The following ADCY8 variants were observed in gnomAD, a reference collection of about 807,000 sequenced individuals.
ADCY8 encodes the protein adenylate cyclase 8, also known as adenylate cyclase type 8.
ADCY8 carries 51 observed loss-of-function variants against 119.7 expected under a neutral mutation model. That is an observed-to-expected ratio of 0.43 (90% CI 0.34 to 0.54). The LOEUF is 0.54. ADCY8 is among the 20% of genes least tolerant of loss of function. The pLI, the probability that ADCY8 is intolerant of heterozygous loss-of-function variation, is 0.03. For synonymous variants in ADCY8, 665 were observed against 651.0 expected (o/e 1.02, Z -0.33); for missense variants, 1,383 against 1,598.8 (o/e 0.87, Z 2.30).
chr8:130,904,098 T>A, intron 6 of ADCY8, 56 bp from the exon 7 acceptor site: 4 of 1,537,368 alleles, frequency 2.6e-6, no homozygotes, highest in Non-Finnish European at 2.6e-6. Context: ...GCAAAGGCTA[T>A]ATTTTTTTGA....
At position 130,785,407 on chromosome 8, in the gene ADCY8, C is replaced by G. The variant is rs776529687; in HGVS notation, c.3129G>C (p.Val1043=). 1 of 1,608,278 alleles carries G rather than the reference C, an allele frequency of 6.2e-7. No homozygotes were observed. Among genetic ancestry groups the G allele is most frequent in the Non-Finnish European group, 8.5e-7 (1 of 1,177,280 alleles). ...CCTGTTTTTCAGGTGACAGGCCTGACACGGCCATGTAGGTGCTGCCAATGG... is the reference window on the plus strand; with the variant it reads ...CCTGTTTTTCAGGTGACAGGCCTGAGACGGCCATGTAGGTGCTGCCAATGG... ...IKTIGSTYMA[V]SGLSPEKQQC... is the part of the protein sequence containing the mutation. The change falls in exon 16 of 18, where the codon GTG becomes GTC. Residue 1043 remains valine (V), a synonymous_variant. Coordinates refer to ENST00000286355, the MANE Select transcript of ADCY8 (RefSeq NM_001115.3).
chr8:130,817,873 A>G (rs1215250301), intron 13 of ADCY8, among the ~76,000 whole-genome samples: 1 of 152,228 alleles, frequency 6.6e-6, no homozygotes, highest in Non-Finnish European at 1.5e-5. Flanking sequence ...TAAATTATGG[A>G]GAACTGATAG....
intron 2 of ADCY8, among the ~76,000 whole-genome samples, chr8:130,987,565 C>T (rs1822440442): frequency 6.6e-6 from 1 of 152,014 alleles, no homozygotes. Context: ...TGAATATAAC[C>T]TATTTGATTC....
At chr8:130,818,262 A>G (rs574837234) in intron 13 of ADCY8, among the ~76,000 whole-genome samples, 138 of 152,290 alleles carry the variant, frequency 9.1e-4, no homozygotes, top group Admixed American at 1.6e-3. Context: ...GAGCCACACA[A>G]TCTCAGGTGC....
At chr8:130,934,248 G>C (rs1240189892) in intron 5 of ADCY8, among the ~76,000 whole-genome samples, 1 of 152,230 alleles carries the variant, frequency 6.6e-6, no homozygotes, top group African/African-American at 2.4e-5. Flanking sequence ...AAGAAAAAAG[G>C]TTTAATTAAC....
chr8:130,968,197 G>T (rs1821819563), intron 2 of ADCY8, among the ~76,000 whole-genome samples: 2 of 151,008 alleles, frequency 1.3e-5, no homozygotes, highest in South Asian at 4.2e-4. Flanking sequence ...TTGAGACAGG[G>T]TCTCGCTCTG....
intron 6 of ADCY8, among the ~76,000 whole-genome samples, chr8:130,906,247 C>T (rs1473019853): frequency 1.3e-5 from 2 of 152,118 alleles, no homozygotes; most frequent in Non-Finnish European, 2.9e-5. Flanking sequence ...AATGGAAGTC[C>T]CCATCCGCTT....
intron 9 of ADCY8, among the ~76,000 whole-genome samples, chr8:130,854,848 C>CCTTCCT (rs1482311252): frequency 8.2e-5 from 7 of 85,786 alleles, no homozygotes; most frequent in South Asian, 4.7e-4. Flanking sequence ...CCTTCCTTCC[C>CCTTCCT]TCCCTCCCTC....
chr8:130,785,544 C>A, intron 15 of ADCY8, 69 bp from the exon 16 acceptor site: 1 of 1,191,648 alleles, frequency 8.4e-7, no homozygotes, highest in Non-Finnish European at 1.2e-6. Flanking sequence ...CTCCTGAAAA[C>A]AGGCCCCTGG....
At chr8:130,931,674 C>T (rs1410693497) in intron 5 of ADCY8, among the ~76,000 whole-genome samples, 2 of 151,976 alleles carry the variant, frequency 1.3e-5, no homozygotes, top group Non-Finnish European at 2.9e-5. Context: ...TTCAAATAAC[C>T]TGTGTTGGTG....
Position 131,008,995 on chromosome 8 carries a change from C to T in ADCY8, c.961-18453G>A, listed in dbSNP as rs545987439. ...GTAACTAGTGGAAGAAATTTCTAAG[C>T]GGCAAAAGGTTCAAGAGAAAGCAGA... On this transcript the variant is annotated intron_variant, in intron 1 of 17. Coordinates refer to ENST00000286355, the MANE Select transcript of ADCY8 (RefSeq NM_001115.3). Among the ~76,000 whole-genome samples the T allele has an allele frequency of 3.8e-4, 58 of 152,098 alleles. No individual in the cohort carries two copies. The South Asian group carries it at 7.7e-3, about 20-fold the overall frequency.
intron 2 of ADCY8, among the ~76,000 whole-genome samples, chr8:130,968,431 A>G (rs1271226905): frequency 6.6e-6 from 1 of 152,174 alleles, no homozygotes; most frequent in Non-Finnish European, 1.5e-5. Flanking sequence ...TCGGCCTCCC[A>G]AAGTGCTGGG....
intron 9 of ADCY8, among the ~76,000 whole-genome samples, chr8:130,865,717 A>T (rs1818094136): frequency 6.6e-6 from 1 of 152,090 alleles, no homozygotes; most frequent in Non-Finnish European, 1.5e-5. Flanking sequence ...GGTTGCTTTC[A>T]TGCAGTGTTT....
At chr8:130,920,688 A>G (rs910185807) in intron 5 of ADCY8, among the ~76,000 whole-genome samples, 1 of 152,218 alleles carries the variant, frequency 6.6e-6, no homozygotes, top group Non-Finnish European at 1.5e-5. Flanking sequence ...AGGCCTTTGT[A>G]TCCAGATATT....
chr8:130,780,411 G>A lies in ADCY8; in HGVS notation c.3735C>T (p.Thr1245=), dbSNP rs370637636. The A allele has an allele frequency of 5.3e-5, 82 of 1,538,332 alleles. No individual in the cohort carries two copies. The highest frequency in any genetic ancestry group is 1.1e-4 in the Admixed American group (6 of 53,340). Residue 1245 remains threonine (T), a synonymous_variant, in exon 18 of 18, where the codon ACC becomes ACT. Transcript: ENST00000286355. ...GTEPGAQAEG[T]DKSDLP ...GCTTTTATGGCAAATCAGATTTGTC[G>A]GTGCCTTCAGCCTGGGCTCCAGGCT...
intron 1 of ADCY8, among the ~76,000 whole-genome samples, chr8:131,031,790 T>A (rs796620458): frequency 3.9e-4 from 60 of 152,282 alleles, no homozygotes; most frequent in African/African-American, 1.1e-3. Flanking sequence ...GATTTTTTTT[T>A]AAAATAAATT....
chr8:130,881,999 C>G (rs1160222195), intron 8 of ADCY8, among the ~76,000 whole-genome samples: 1 of 151,972 alleles, frequency 6.6e-6, no homozygotes, highest in African/African-American at 2.4e-5. Flanking sequence ...CTACCCTTGT[C>G]TAAGGGGGTT....
intron 7 of ADCY8, among the ~76,000 whole-genome samples, chr8:130,886,980 G>A (rs1032364903): frequency 8.3e-6 from 1 of 120,080 alleles, no homozygotes; most frequent in African/African-American, 2.6e-5. Context: ...AGAAGAAAGG[G>A]CGTTTTTTTT....
intron 16 of ADCY8, among the ~76,000 whole-genome samples, chr8:130,784,097 G>A (rs1586407510): frequency 1.3e-5 from 2 of 151,998 alleles, no homozygotes; most frequent in South Asian, 4.1e-4. Context: ...ATGTTCACTG[G>A]CATGTGTGTG....
Sources: allele counts gnomAD v4.1 joint callset (sites outside exome capture counted in the v4.1 genomes callset), GRCh38; gene constraint gnomAD v4.1.1; transcripts MANE v1.5; gene names NCBI Gene and HGNC (gene_info 2026-07-23, HGNC 2026-07-21).